Variants in JADE2 observed in about 807,000 individuals in gnomAD.
The protein encoded by JADE2 is E3 ubiquitin-protein ligase Jade-2.
In JADE2, 13 loss-of-function variants were observed where a neutral mutation model predicts 85.7. That is an observed-to-expected ratio of 0.15 (90% CI 0.10 to 0.24). The LOEUF is 0.24. Among genes scored for constraint, JADE2 ranks in the 10% least tolerant of loss-of-function variants. The pLI is 1.00. For missense variants in JADE2, 846 were observed against 1,115.9 expected (o/e 0.76, Z 3.45); for synonymous variants, 440 against 456.1 (o/e 0.96, Z 0.45).
chr5:134,564,390 T>TGTC, intron 7 of JADE2, 104 bp from the exon 8 acceptor site: 2 of 679,022 alleles, frequency 2.9e-6, no homozygotes, highest in Non-Finnish European at 4.9e-6. Flanking sequence ...GCCACTGCCC[T>TGTC]GTCTGCCCAC....
At position 134,578,577 on chromosome 5, in the gene JADE2, A is replaced by G. The variant is rs1258845735; in HGVS notation, c.1765A>G (p.Met589Val). 2 of 1,613,916 alleles carry G rather than the reference A, an allele frequency of 1.2e-6. No homozygotes were observed. The highest frequency in any genetic ancestry group is 2.7e-5 in the African/African-American group (2 of 74,902). The change falls in exon 12 of 12, where the codon ATG (methionine) becomes GTG (valine). Residue 589 changes from methionine (M) to valine (V), a missense_variant. Transcript: ENST00000681547. The surrounding 1 kb of genome is among the most constrained non-coding windows in gnomAD (Gnocchi z 4.4). ...GTCGGTGCAGATCACAGCAGAGAAC[A>G]TGGCCATGAGCGAGTGGCCACTGAA... is the stretch of plus-strand genomic sequence containing the variant. ...AQSVQITAENMAMSEWPLNNG... is the reference protein window; with the variant it reads ...AQSVQITAENVAMSEWPLNNG...
intron 4 of JADE2, among the ~76,000 whole-genome samples, chr5:134,555,394 C>T (rs559800210): frequency 3.5e-4 from 54 of 152,354 alleles, no homozygotes; most frequent in African/African-American, 9.9e-4. Context: ...AGCTGACCTC[C>T]GCCGTCCTGG....
chr5:134,543,009 GA>G (rs1401326882), intron 3 of JADE2, among the ~76,000 whole-genome samples: 11 of 151,526 alleles, frequency 7.3e-5, no homozygotes, highest in African/African-American at 2.7e-4. Context: ...TTACAGGCAT[GA>G]GCCACCGCAC....
chr5:134,572,108 G>A (rs1360679753), intron 9 of JADE2, among the ~76,000 whole-genome samples: 1 of 152,272 alleles, frequency 6.6e-6, no homozygotes, highest in Non-Finnish European at 1.5e-5. Flanking sequence ...GGGGGAAGGA[G>A]GCTGGTTGGA....
chr5:134,527,717 A>C (rs1760950735), intron 1 of JADE2, among the ~76,000 whole-genome samples: 1 of 146,290 alleles, frequency 6.8e-6, no homozygotes, highest in African/African-American at 2.5e-5. Context: ...GACTGCCTCC[A>C]GGGGCGGGCT....
Position 134,579,261 on chromosome 5 carries a change from G to A in JADE2, c.2449G>A (p.Gly817Ser). ...VEAEDGGVQR[G>S]PREAGAEEVV... ...GGCCGAGGACGGTGGGGTGCAGCGG[G>A]GTCCCCGGGAGGCAGGGGCAGAGGA... The change falls in exon 12 of 12, where the codon GGT becomes AGT. Residue 817 changes from glycine (G) to serine (S), a missense_variant. By Grantham distance (56) the Gly-to-Ser change is moderately conservative. This residue lies in a region of JADE2 where 300 missense variants were observed against 300.7 expected (regional missense o/e 1.00). Coordinates refer to ENST00000681547, the MANE Select transcript of JADE2 (RefSeq NM_001388185.1). The surrounding 1 kb of genome is among the most constrained non-coding windows in gnomAD (Gnocchi z 4.6). The A allele has an allele frequency of 1.2e-6, 2 of 1,613,752 alleles. No homozygotes were observed. Among genetic ancestry groups the A allele is most frequent in the South Asian group, 2.2e-5 (2 of 91,086 alleles).
upstream of JADE2, chr5:134,524,450 C>A (rs1760688195): frequency 6.6e-6 from 1 of 152,458 alleles, no homozygotes; most frequent in Admixed American, 6.5e-5. Context: ...GAAGTGGAGC[C>A]GGAGGAGGAG....
intron 1 of JADE2, among the ~76,000 whole-genome samples, chr5:134,530,757 C>G (rs1486828029): frequency 1.3e-5 from 2 of 152,190 alleles, no homozygotes; most frequent in African/African-American, 4.8e-5. Context: ...GGAGCCCAAC[C>G]AAATAAAGCC....
In JADE2 at chr5:134,578,919, C is replaced by G; in HGVS notation, c.2107C>G (p.Pro703Ala). The G allele has an allele frequency of 6.2e-7, 1 of 1,613,848 alleles. No homozygotes were observed. The highest frequency in any genetic ancestry group is 8.5e-7 in the Non-Finnish European group (1 of 1,180,010). ...RRTSSHLPSS[P>A]AAGDCPILAT... ...GACATCTTCTCACTTGCCGTCCAGC[C>G]CTGCAGCCGGGGACTGTCCCATCCT... The change falls in exon 12 of 12, where the codon CCT becomes GCT. Residue 703 changes from proline to alanine, a missense_variant. By Grantham distance (27) the Pro-to-Ala change is conservative (BLOSUM62 -1). This residue lies in a region of JADE2 where 300 missense variants were observed against 300.7 expected (regional missense o/e 1.00). Transcript: ENST00000681547. This position sits in a 1 kb window ranked among gnomAD's most constrained non-coding sequence, Gnocchi z 4.4.
chr5:134,530,733 T>C (rs138485750), intron 1 of JADE2, among the ~76,000 whole-genome samples: 1,875 of 152,278 alleles, frequency 0.012, 19 homozygotes, highest in Non-Finnish European at 0.018. Flanking sequence ...TGAGTTGACA[T>C]TGATCATTAG....
Position 134,578,865 on chromosome 5 carries a change from G to T in JADE2, c.2053G>T (p.Gly685Trp), listed in dbSNP as rs1323598803. The T allele has an allele frequency of 1.2e-5, 19 of 1,613,688 alleles. No individual in the cohort carries two copies. The highest frequency in any genetic ancestry group is 1.4e-5 in the Non-Finnish European group (17 of 1,180,016). ...QDAGSGKGGQGPPTRKPPRRT... is the reference protein window; with the variant it reads ...QDAGSGKGGQWPPTRKPPRRT... ...TGCAGGCAGTGGCAAGGGGGGTCAA[G>T]GGCCACCTACCAGGAAGCCACCACG... The change falls in exon 12 of 12, where the codon GGG becomes TGG. Residue 685 changes from glycine (G) to tryptophan (W), a missense_variant. Coordinates refer to ENST00000681547, the MANE Select transcript of JADE2 (RefSeq NM_001388185.1). This position sits in a 1 kb window ranked among gnomAD's most constrained non-coding sequence, Gnocchi z 4.4.
Position 134,579,226 on chromosome 5 carries a change from C to T in JADE2, c.2414C>T (p.Ser805Leu). 6.2e-7 allele frequency: 1 copy of T among 1,614,140 alleles called. No individual in the cohort carries two copies. The highest frequency in any genetic ancestry group is 8.5e-7 in the Non-Finnish European group (1 of 1,180,030). The change falls in exon 12 of 12, where the codon TCA becomes TTA. Residue 805 changes from serine to leucine, a missense_variant. Ser to Leu is a moderately radical substitution (Grantham distance 145). Around this residue, in one of 9 missense-constraint regions of JADE2, gnomAD observed 300 missense variants for 300.7 expected, o/e 1.00. Coordinates refer to ENST00000681547, the MANE Select transcript of JADE2 (RefSeq NM_001388185.1). The surrounding 1 kb of genome is among the most constrained non-coding windows in gnomAD (Gnocchi z 4.6). The stretch of plus-strand genomic sequence containing the variant: ...TTCTCTGATGGGGAGATGAGCGACT[C>T]AGATGTAGAGGCCGAGGACGGTGGG... ...GYFSDGEMSDSDVEAEDGGVQ... is the reference protein window; with the variant it reads ...GYFSDGEMSDLDVEAEDGGVQ...
intron 2 of JADE2, among the ~76,000 whole-genome samples, chr5:134,537,120 C>T (rs1227960354): frequency 6.6e-6 from 1 of 152,230 alleles, no homozygotes; most frequent in Non-Finnish European, 1.5e-5. Flanking sequence ...CCAAAAACCA[C>T]ATCCTCCATT....
intron 7 of JADE2, 105 bp from the exon 8 acceptor site, chr5:134,564,389 C>G: frequency 1.5e-6 from 1 of 669,606 alleles, no homozygotes; most frequent in Non-Finnish European, 2.5e-6. Flanking sequence ...AGCCACTGCC[C>G]TGTCTGCCCA....
At position 134,562,202 on chromosome 5, in the gene JADE2, A is replaced by G. The variant is rs1188566140; in HGVS notation, c.687A>G (p.Ala229=). 1.2e-6 allele frequency: 2 copies of G among 1,609,708 alleles called. No individual in the cohort carries two copies. Among genetic ancestry groups the G allele is most frequent in the Non-Finnish European group, 1.7e-6 (2 of 1,177,782 alleles). The change falls in exon 7 of 12, where the codon GCA becomes GCG. Residue 229 remains alanine (A), a splice_region_variant and synonymous_variant. Transcript: ENST00000681547. The surrounding 1 kb of genome is among the most constrained non-coding windows in gnomAD (Gnocchi z 4.6). Reference sequence around the variant, plus strand: ...ATGACCACCCTGCTCTCTCCTAGGCATGCTACGGGATCCTCAAGGTGCCCA... The same window carrying G: ...ATGACCACCCTGCTCTCTCCTAGGCGTGCTACGGGATCCTCAAGGTGCCCA... ...CDKCNVCVHQ[A]CYGILKVPTG... is the part of the protein sequence containing the mutation.
intron 1 of JADE2, among the ~76,000 whole-genome samples, chr5:134,532,849 G>A (rs138267279): frequency 1.9e-3 from 283 of 152,302 alleles, no homozygotes; most frequent in African/African-American, 6.4e-3. Context: ...GTGGGAGCTC[G>A]CTGGAGCAAG....
chr5:134,533,888 A>G (rs1761415889), intron 1 of JADE2, among the ~76,000 whole-genome samples: 1 of 152,000 alleles, frequency 6.6e-6, no homozygotes, highest in Non-Finnish European at 1.5e-5. Context: ...CTAGGACCTC[A>G]GGCATGTGCC....
chr5:134,541,650 T>A (rs1761967279), intron 3 of JADE2, among the ~76,000 whole-genome samples: 1 of 152,144 alleles, frequency 6.6e-6, no homozygotes, highest in Admixed American at 6.5e-5. Flanking sequence ...CCTTGGTGGC[T>A]GCAGAGCCAT....
chr5:134,560,612 G>A (rs1309472758), intron 5 of JADE2, 134 bp from the exon 6 acceptor site: 6 of 707,170 alleles, frequency 8.5e-6, no homozygotes, highest in African/African-American at 1.8e-5. Flanking sequence ...CTTCTCCCAG[G>A]TCCAACAGTG....
Sources: allele counts gnomAD v4.1 joint callset (sites outside exome capture counted in the v4.1 genomes callset), GRCh38; gene constraint gnomAD v4.1.1; regional missense constraint gnomAD v4.1.1; non-coding constraint Gnocchi (gnomAD v3.1); transcripts MANE v1.5; gene names NCBI Gene and HGNC (gene_info 2026-07-23, HGNC 2026-07-21).